RAP1GAP2: variants seen among roughly 807,000 people sequenced by gnomAD.
The protein encoded by RAP1GAP2 is RAP1 GTPase activating protein 2.
A neutral mutation model predicts 95.0 loss-of-function variants in RAP1GAP2; 27 were observed. The ratio of observed to expected loss-of-function variants is 0.28; its 90% CI spans 0.21 to 0.39. The LOEUF is 0.39. RAP1GAP2 is among the 10% of genes least tolerant of loss of function. RAP1GAP2 has a pLI of 1.00. For missense variants in RAP1GAP2, 771 were observed against 970.0 expected, an observed-to-expected ratio of 0.79 and a Z score of 2.72; for synonymous variants, 373 against 380.9, an observed-to-expected ratio of 0.98 and a Z score of 0.24.
In RAP1GAP2 at chr17:2,855,526, G is replaced by A. The variant is rs936487492; in HGVS notation, c.81-49758G>A. Among the ~76,000 whole-genome samples, 4 of 152,174 alleles carry A rather than the reference G, an allele frequency of 2.6e-5. No homozygotes were observed. The highest frequency in any genetic ancestry group is 5.9e-5 in the Non-Finnish European group (4 of 68,040). On this transcript the variant is annotated intron_variant, in intron 2 of 24. Coordinates refer to ENST00000254695, the MANE Select transcript of RAP1GAP2 (RefSeq NM_015085.5). This position sits in a 1 kb window ranked among gnomAD's most constrained non-coding sequence, Gnocchi z 4.3. ...AGGATTCTCTCCTGGTTAATGGCCA[G>A]TGGTACTGATGTTTTTCCATTTGTG...
Position 2,809,757 on chromosome 17 carries a change from C to T in RAP1GAP2, c.80+9207C>T, listed in dbSNP as rs57932177. Among the ~76,000 whole-genome samples, 5 of 152,206 alleles carry T rather than the reference C, an allele frequency of 3.3e-5. No individual in the cohort carries two copies. In the East Asian group the frequency reaches 9.7e-4, roughly 29 times the overall value. ...GACTCGTGCCTCCCCAGATTGTGCA[C>T]CCCCTGGTGCTTCTTGTCTACACAC... On this transcript the variant is annotated intron_variant, in intron 2 of 24. Transcript: ENST00000254695.
chr17:3,017,916 CGTGTGTGTGTGTGTGTGT>C (rs56791699), intron 17 of RAP1GAP2, 127 bp from the exon 18 acceptor site: 7 of 562,130 alleles, frequency 1.2e-5, no homozygotes, highest in African/African-American at 2.1e-5. Flanking sequence ...CCTCTGTGAC[CGTGTGTGTGTGTGTGTGT>C]GTGTGTGTGT....
chr17:2,898,836 C>T (rs2041927709), intron 2 of RAP1GAP2, among the ~76,000 whole-genome samples: 1 of 151,182 alleles, frequency 6.6e-6, no homozygotes, highest in Non-Finnish European at 1.5e-5. Context: ...CCCCATGAGG[C>T]GAGGAGTAGT....
Position 2,797,514 on chromosome 17 carries a change from G to T in RAP1GAP2, c.44+943G>T, listed in dbSNP as rs2069128652. Among the ~76,000 whole-genome samples, 1 of 152,016 alleles carries T rather than the reference G, an allele frequency of 6.6e-6. No homozygotes were observed. The highest frequency in any genetic ancestry group is 1.5e-5 in the Non-Finnish European group (1 of 67,998). ...GGAGGTGGCCGGGGGGTGTCCCGGT[G>T]TGGAAAATGGTGGACTAATGGGGGT... On this transcript the variant is annotated intron_variant, in intron 1 of 24. Coordinates refer to ENST00000254695, the MANE Select transcript of RAP1GAP2 (RefSeq NM_015085.5). The surrounding 1 kb of genome is among the most constrained non-coding windows in gnomAD (Gnocchi z 5.6).
At chr17:2,764,503 A>G (rs1175462331) in intron 1 of RAP1GAP2, among the ~76,000 whole-genome samples, 2 of 151,474 alleles carry the variant, frequency 1.3e-5, no homozygotes, top group African/African-American at 2.4e-5. Context: ...CGGGTGGATC[A>G]TGAGGTCAGG....
intron 2 of RAP1GAP2, among the ~76,000 whole-genome samples, chr17:2,875,251 G>A (rs1325364224): frequency 6.6e-6 from 1 of 152,134 alleles, no homozygotes; most frequent in Non-Finnish European, 1.5e-5. Context: ...GTTTTTAGTA[G>A]AGATGGGATC....
upstream of RAP1GAP2, among the ~76,000 whole-genome samples, chr17:2,774,116 G>A (rs1260778747): frequency 6.6e-6 from 1 of 152,148 alleles, no homozygotes; most frequent in Non-Finnish European, 1.5e-5. Flanking sequence ...TTCTAATCCT[G>A]TTTGCACCTG....
chr17:2,830,304 C>T (rs1363278398), intron 2 of RAP1GAP2, among the ~76,000 whole-genome samples: 1 of 152,110 alleles, frequency 6.6e-6, no homozygotes, highest in Non-Finnish European at 1.5e-5. Flanking sequence ...ATTCGAGCTA[C>T]TCGGGAGGCT....
intron 3 of RAP1GAP2, among the ~76,000 whole-genome samples, chr17:2,928,226 C>A (rs1302240185): frequency 2.0e-5 from 3 of 152,242 alleles, no homozygotes; most frequent in African/African-American, 7.2e-5. Flanking sequence ...CCGCCTTCCT[C>A]CTGTCTAACC....
intron 3 of RAP1GAP2, 121 bp from the exon 4 acceptor site, chr17:2,957,638 A>G (rs2044166534): frequency 1.8e-6 from 2 of 1,135,702 alleles, no homozygotes; most frequent in Admixed American, 4.5e-5. Flanking sequence ...GTTGATCCAA[A>G]TGAATTTTGT....
chr17:2,864,062 A>T (rs2072522899), intron 2 of RAP1GAP2, among the ~76,000 whole-genome samples: 1 of 131,198 alleles, frequency 7.6e-6, no homozygotes, highest in South Asian at 2.7e-4. Flanking sequence ...CCCTCAAAAA[A>T]AAAAAACAGT....
intron 2 of RAP1GAP2, among the ~76,000 whole-genome samples, chr17:2,890,955 G>A (rs2073693139): frequency 1.3e-5 from 2 of 151,364 alleles, no homozygotes; most frequent in African/African-American, 2.4e-5. Flanking sequence ...CAAAGTGCTG[G>A]GATTACAGGC....
chr17:3,005,502 G>A lies in RAP1GAP2; in HGVS notation c.1272+62G>A. ...GATGCCAGGTCTCAGTGCTTGAGTA[G>A]CAATGGTTGGGATGGAGCCAAATTC... On this transcript the variant is annotated intron_variant, in intron 15 of 24. Transcript: ENST00000254695. This position sits in a 1 kb window ranked among gnomAD's most constrained non-coding sequence, Gnocchi z 5.2. 2 of 1,543,646 alleles carry A rather than the reference G, an allele frequency of 1.3e-6. No individual in the cohort carries two copies. Among genetic ancestry groups the A allele is most frequent in the Non-Finnish European group, 1.8e-6 (2 of 1,115,906 alleles).
chr17:2,783,200 C>T (rs552864639), intron 1 of RAP1GAP2, among the ~76,000 whole-genome samples: 5 of 152,232 alleles, frequency 3.3e-5, no homozygotes, highest in South Asian at 4.1e-4. Flanking sequence ...AAGCTGTGTC[C>T]GTCTCGTCTT....
At chr17:2,761,817 C>A (rs563059527) in intron 1 of RAP1GAP2, among the ~76,000 whole-genome samples, 1 of 151,894 alleles carries the variant, frequency 6.6e-6, no homozygotes, top group Non-Finnish European at 1.5e-5. Context: ...ACGAAGGTTC[C>A]GGTTTTTCCA....
At chr17:2,962,060 G>A (rs1329322254) in intron 4 of RAP1GAP2, among the ~76,000 whole-genome samples, 1 of 151,914 alleles carries the variant, frequency 6.6e-6, no homozygotes, top group Non-Finnish European at 1.5e-5. Flanking sequence ...GCGCCACCAC[G>A]CCCAGCTAAT....
chr17:2,942,239 G>A (rs1217785036), intron 3 of RAP1GAP2, among the ~76,000 whole-genome samples: 1 of 152,142 alleles, frequency 6.6e-6, no homozygotes, highest in African/African-American at 2.4e-5. Flanking sequence ...AAAGTGCCCA[G>A]TTCAGTGCCT....
At chr17:2,839,422 C>A (rs2071278658) in intron 2 of RAP1GAP2, among the ~76,000 whole-genome samples, 1 of 152,110 alleles carries the variant, frequency 6.6e-6, no homozygotes, top group Non-Finnish European at 1.5e-5. Context: ...TTAGTACGAT[C>A]CATTTGCTAT....
In RAP1GAP2 at chr17:2,886,135, A is replaced by ATG. The variant is rs140784056; in HGVS notation, c.81-19123_81-19122dup. ...TTTTTTTCCCAATGAATATGTATTT[A>ATG]TGTGTGTGTGTGTGTGTGTGTGTGT... On this transcript the variant is annotated intron_variant, in intron 2 of 24. Coordinates refer to ENST00000254695, the MANE Select transcript of RAP1GAP2 (RefSeq NM_015085.5). 9.4e-3 allele frequency among the ~76,000 whole-genome samples: 1,222 copies of ATG among 130,542 alleles called. 6 individuals carry two copies. The highest frequency in any genetic ancestry group is 0.024 in the African/African-American group (825 of 34,244). The allele number at this position is 130,542 out of a possible 152,430, so 85.6% of individuals were successfully genotyped here. A position where few individuals can be genotyped will look rare whatever the true frequency, so the allele number is the denominator to read the frequency against.
Sources: gnomAD v4.1 joint callset for allele counts (sites outside exome capture counted in the v4.1 genomes callset) on GRCh38, gnomAD v4.1.1 for gene constraint, Gnocchi (gnomAD v3.1) non-coding constraint, MANE v1.5 for transcripts, NCBI Gene and HGNC (gene_info 2026-07-23, HGNC 2026-07-21) for gene names.